PLA2G4E: variants seen among roughly 807,000 people sequenced by gnomAD.
The protein encoded by PLA2G4E is cytosolic phospholipase A2 epsilon.
A neutral mutation model predicts 109.1 loss-of-function variants in PLA2G4E; 84 were observed. The observed-to-expected ratio is 0.77, with a 90% CI of 0.65 to 0.92. The LOEUF (loss-of-function observed/expected upper bound fraction) is 0.92, where lower values mean the gene tolerates loss of function less well. PLA2G4E is among the 40% of genes least tolerant of loss of function. The pLI is 0.00. For synonymous variants in PLA2G4E, 469 were observed against 436.1 expected (o/e 1.08, Z -0.94); for missense variants, 1,057 against 1,076.6 (o/e 0.98, Z 0.25).
chr15:41,994,396 C>T (rs148903170), intron 12 of PLA2G4E, among the ~76,000 whole-genome samples: 3,895 of 152,344 alleles, frequency 0.026, 65 homozygotes, highest in Non-Finnish European at 0.041. Context: ...CTCCAGTATA[C>T]AAGGCACAGC....
At chr15:42,049,095 A>T (rs1889466275) in intron 1 of PLA2G4E, among the ~76,000 whole-genome samples, 1 of 152,168 alleles carries the variant, frequency 6.6e-6, no homozygotes, top group South Asian at 2.1e-4. Flanking sequence ...CAGAGTCAGG[A>T]AGAGGAAGGG....
intron 1 of PLA2G4E, among the ~76,000 whole-genome samples, chr15:42,035,608 G>A (rs913567077): frequency 1.3e-5 from 2 of 152,160 alleles, no homozygotes; most frequent in Non-Finnish European, 2.9e-5. Flanking sequence ...TGCAAATCAG[G>A]ATAAGAATTT....
intron 18 of PLA2G4E, among the ~76,000 whole-genome samples, chr15:41,985,525 C>T (rs2068125922): frequency 6.6e-6 from 1 of 152,168 alleles, no homozygotes; most frequent in East Asian, 1.9e-4. Context: ...ATGGAATGGG[C>T]TCTACTAAGG....
chr15:42,044,264 G>GACCT lies in PLA2G4E; in HGVS notation c.183+6253_183+6256dup, dbSNP rs60689570. Among the ~76,000 whole-genome samples the GACCT allele has an allele frequency of 5.1e-3, 779 of 152,310 alleles. 22 individuals are homozygous for GACCT. Among genetic ancestry groups the GACCT allele is most frequent in the East Asian group, 0.05 (258 of 5,172 alleles). On this transcript the variant is annotated intron_variant, in intron 1 of 19. Transcript: ENST00000399518. ...TCTGATTTGGGGAGACGTCAGGGAT[G>GACCT]ACCTCCCAGAGGAAGCAGCCTTGAA...
intron 1 of PLA2G4E, among the ~76,000 whole-genome samples, chr15:42,040,585 C>T (rs1889298510): frequency 6.6e-6 from 1 of 152,132 alleles, no homozygotes; most frequent in African/African-American, 2.4e-5. Context: ...CACAATAATA[C>T]AAGACTAATT....
chr15:41,996,993 C>T (rs932185925), intron 11 of PLA2G4E, 131 bp downstream of exon 11: 99 of 1,187,304 alleles, frequency 8.3e-5, no homozygotes, highest in Middle Eastern at 5.5e-4. Flanking sequence ...CTCACCAGGG[C>T]GCCTGTACCT....
intron 12 of PLA2G4E, among the ~76,000 whole-genome samples, chr15:41,994,578 G>C (rs1263688139): frequency 6.6e-6 from 1 of 152,100 alleles, no homozygotes; most frequent in Non-Finnish European, 1.5e-5. Flanking sequence ...GGCCCAGCCT[G>C]GTCTTGAGCT....
At chr15:42,024,587 C>T (rs2068677228) in intron 1 of PLA2G4E, among the ~76,000 whole-genome samples, 2 of 152,162 alleles carry the variant, frequency 1.3e-5, no homozygotes, top group Admixed American at 6.5e-5. Flanking sequence ...ATGCCACTCC[C>T]CTGTGGGCCC....
intron 13 of PLA2G4E, 62 bp downstream of exon 13, chr15:41,992,675 G>T: frequency 6.6e-7 from 1 of 1,518,834 alleles, no homozygotes; most frequent in Non-Finnish European, 9.0e-7. Context: ...CTCCCCTGAG[G>T]AAGAAAGAGA....
chr15:41,996,806 C>T (rs2068349444), intron 11 of PLA2G4E, among the ~76,000 whole-genome samples: 1 of 152,204 alleles, frequency 6.6e-6, no homozygotes, highest in Non-Finnish European at 1.5e-5. Context: ...GGTGGTACAG[C>T]TTAAAATGTT....
chr15:42,028,279 G>GT (rs2068709060), intron 1 of PLA2G4E, among the ~76,000 whole-genome samples: 1 of 152,218 alleles, frequency 6.6e-6, no homozygotes, highest in Non-Finnish European at 1.5e-5. Context: ...TGACAGAGCT[G>GT]TGACACTAGC....
At chr15:42,047,944 G>T (rs11070357) in intron 1 of PLA2G4E, among the ~76,000 whole-genome samples, 23,401 of 152,220 alleles carry the variant, frequency 0.15, 1,847 homozygotes, top group Middle Eastern at 0.21. Flanking sequence ...TAGCAAGATA[G>T]AAAATATTAA....
chr15:42,033,289 G>C (rs1222694999), intron 1 of PLA2G4E, among the ~76,000 whole-genome samples: 1 of 152,104 alleles, frequency 6.6e-6, no homozygotes, highest in Non-Finnish European at 1.5e-5. Flanking sequence ...GATGAGCCTT[G>C]GCCCTGCTTG....
intron 1 of PLA2G4E, among the ~76,000 whole-genome samples, chr15:42,025,473 G>C (rs1034280164): frequency 3.3e-5 from 5 of 152,082 alleles, no homozygotes; most frequent in African/African-American, 1.2e-4. Flanking sequence ...TCTTCCTGTA[G>C]CTGCAGGCAT....
At chr15:41,995,286 T>G in intron 12 of PLA2G4E, 74 bp downstream of exon 12, 2 of 1,555,238 alleles carry the variant, frequency 1.3e-6, no homozygotes, top group Non-Finnish European at 1.8e-6. Flanking sequence ...GGGGAGGAGC[T>G]TCACCTGAGA....
intron 1 of PLA2G4E, among the ~76,000 whole-genome samples, chr15:42,032,265 C>G (rs1566849639): frequency 6.6e-6 from 1 of 152,214 alleles, no homozygotes; most frequent in African/African-American, 2.4e-5. Flanking sequence ...ATATACTACT[C>G]CATTCACTGG....
intron 1 of PLA2G4E, among the ~76,000 whole-genome samples, chr15:42,019,301 A>C (rs1001983543): frequency 3.3e-5 from 5 of 152,192 alleles, no homozygotes; most frequent in Non-Finnish European, 7.3e-5. Context: ...CGTTACCACA[A>C]ATCAGTCAAA....
chr15:42,023,080 T>A (rs1045601130), intron 1 of PLA2G4E, among the ~76,000 whole-genome samples: 1 of 152,030 alleles, frequency 6.6e-6, no homozygotes, highest in African/African-American at 2.4e-5. Context: ...GGCACGCTTA[T>A]GTATGCAGGT....
At chr15:42,018,645 G>C (rs980749256) in intron 1 of PLA2G4E, among the ~76,000 whole-genome samples, 3 of 152,152 alleles carry the variant, frequency 2.0e-5, no homozygotes, top group Non-Finnish European at 4.4e-5. Context: ...GGGAGGACAG[G>C]CTGGACAGCA....
Sources: gnomAD v4.1 joint callset for allele counts (sites outside exome capture counted in the v4.1 genomes callset) on GRCh38, gnomAD v4.1.1 for gene constraint, MANE v1.5 for transcripts, NCBI Gene and HGNC (gene_info 2026-07-23, HGNC 2026-07-21) for gene names.